The following ZMYND8 variants were observed in gnomAD, a reference collection of about 807,000 sequenced individuals.
ZMYND8 encodes MYND-type zinc finger-containing chromatin reader ZMYND8.
In ZMYND8, 37 loss-of-function variants were observed where a neutral mutation model predicts 140.8. The observed-to-expected ratio is 0.26, with a 90% CI of 0.20 to 0.35. The LOEUF is 0.35. Among genes scored for constraint, ZMYND8 ranks in the 10% least tolerant of loss-of-function variants. The pLI, the probability that ZMYND8 is intolerant of heterozygous loss-of-function variation, is 1.00. For synonymous variants in ZMYND8, 592 were observed against 597.1 expected (o/e 0.99, Z 0.12); for missense variants, 1,068 against 1,570.0 (o/e 0.68, Z 5.40).
intron 2 of ZMYND8, among the ~76,000 whole-genome samples, chr20:47,310,786 G>GAAAA (rs1169707543): frequency 1.7e-4 from 13 of 76,826 alleles, no homozygotes; most frequent in African/African-American, 4.7e-4. Flanking sequence ...CCTCCGACGT[G>GAAAA]AAAAAAAAAA....
chr20:47,330,865 C>T lies in ZMYND8; in HGVS notation c.85+16991G>A, dbSNP rs555886382. Among the ~76,000 whole-genome samples the T allele has an allele frequency of 7.9e-5, 12 of 152,306 alleles. No homozygotes were observed. The East Asian group carries it at 2.1e-3, about 27-fold the overall frequency. ...CAAAAAAATATTTATTATACGCTCA[C>T]CAGCAGCAGGCAAGGTGGTAGTAAA... On this transcript the variant is annotated intron_variant, in intron 2 of 22. Coordinates refer to ENST00000471951, the MANE Select transcript of ZMYND8 (RefSeq NM_001281775.3).
At chr20:47,228,668 T>C (rs534379480) in intron 17 of ZMYND8, among the ~76,000 whole-genome samples, 12 of 152,348 alleles carry the variant, frequency 7.9e-5, no homozygotes, top group African/African-American at 2.4e-4. Flanking sequence ...TGTATTCACA[T>C]TGTCTTCTGT....
Position 47,298,454 on chromosome 20 carries a change from A to G in ZMYND8, c.453+275T>C. 6.1e-6 allele frequency: 6 copies of G among 985,444 alleles called. No individual in the cohort carries two copies. The highest frequency in any genetic ancestry group is 7.2e-6 in the Non-Finnish European group (6 of 829,934). 61.0% of individuals were successfully genotyped at this position (985,444 alleles called of 1,614,324 possible). ...AGTTAACTTTCAAAAAGTTCATCAT[A>G]GAAGATGCAGAGATGACGACTACAG... On this transcript the variant is annotated intron_variant, in intron 4 of 22. Coordinates refer to ENST00000471951, the MANE Select transcript of ZMYND8 (RefSeq NM_001281775.3). The surrounding 1 kb of genome is among the most constrained non-coding windows in gnomAD (Gnocchi z 5.0).
chr20:47,296,727 G>A (rs1374022601), intron 4 of ZMYND8, among the ~76,000 whole-genome samples: 1 of 152,144 alleles, frequency 6.6e-6, no homozygotes. Flanking sequence ...AGGTCAAGGT[G>A]GGAGGATCGC....
Position 47,223,762 on chromosome 20 carries a change from G to A in ZMYND8, c.3256+555C>T, listed in dbSNP as rs542362635. 2.4e-4 allele frequency among the ~76,000 whole-genome samples: 36 copies of A among 150,878 alleles called. No individual in the cohort carries two copies. In the East Asian group the frequency reaches 7.0e-3, roughly 29 times the overall value. On this transcript the variant is annotated intron_variant, in intron 19 of 22. Transcript: ENST00000471951. ...AATCGCTTGAACCCGGAAGGCAGAG[G>A]TTGCACTAAGCCGAGATCACGCCAC... is the stretch of plus-strand genomic sequence containing the variant.
intron 1 of ZMYND8, chr20:47,355,419 G>T: frequency 1.0e-6 from 1 of 983,776 alleles, no homozygotes; most frequent in Non-Finnish European, 1.2e-6. Flanking sequence ...CTTCAAACAT[G>T]GTCACAGAGG....
Position 47,261,021 on chromosome 20 carries a change from A to C in ZMYND8, c.1621+1267T>G, listed in dbSNP as rs971989582. Among the ~76,000 whole-genome samples the C allele has an allele frequency of 1.9e-4, 29 of 152,298 alleles. No homozygotes were observed. In the East Asian group the frequency reaches 5.2e-3, roughly 27 times the overall value. On this transcript the variant is annotated intron_variant, in intron 12 of 22. Coordinates refer to ENST00000471951, the MANE Select transcript of ZMYND8 (RefSeq NM_001281775.3). ...CAGATCACCTTAGGTTGGGAGTTCG[A>C]GACCAGCCTGACCAACATGGAGAAA...
intron 1 of ZMYND8, among the ~76,000 whole-genome samples, chr20:47,350,328 GAA>G (rs3084684): frequency 0.043 from 3,965 of 93,288 alleles, 178 homozygotes; most frequent in African/African-American, 0.11. Flanking sequence ...ATTAAAAGGA[GAA>G]AAAAAAAAAA....
chr20:47,261,491 T>C (rs1020583403), intron 12 of ZMYND8, among the ~76,000 whole-genome samples: 4 of 151,898 alleles, frequency 2.6e-5, no homozygotes, highest in East Asian at 1.9e-4. Context: ...TGAACTATGA[T>C]TACACCACTG....
chr20:47,348,571 G>T (rs541995834), intron 1 of ZMYND8: 1 of 153,468 alleles, frequency 6.5e-6, no homozygotes, highest in Admixed American at 6.5e-5. Flanking sequence ...CAGCAGGCAC[G>T]GCTTACTACT....
chr20:47,318,981 G>A (rs181486194), intron 2 of ZMYND8: 7 of 1,351,496 alleles, frequency 5.2e-6, no homozygotes, highest in African/African-American at 4.4e-5. Flanking sequence ...CTGCTCAGAG[G>A]GCCTAGCCTC....
chr20:47,300,707 T>G (rs1231355991), intron 3 of ZMYND8, among the ~76,000 whole-genome samples: 1 of 152,120 alleles, frequency 6.6e-6, no homozygotes, highest in African/African-American at 2.4e-5. Flanking sequence ...TTCCCAGCTT[T>G]TATTATGAGG....
At chr20:47,351,188 C>CT (rs1383909480) in intron 1 of ZMYND8, among the ~76,000 whole-genome samples, 2 of 152,234 alleles carry the variant, frequency 1.3e-5, no homozygotes, top group Non-Finnish European at 2.9e-5. Context: ...AGATGAACTA[C>CT]TGCACCTCCA....
intron 1 of ZMYND8, chr20:47,350,129 T>C (rs2082650549): frequency 1.9e-6 from 2 of 1,058,406 alleles, no homozygotes; most frequent in Non-Finnish European, 1.3e-6. Context: ...GTGGGCACCA[T>C]AATCACCCAA....
At chr20:47,356,251 AAAGAG>A (rs1045627221) in intron 1 of ZMYND8, 17 of 958,476 alleles carry the variant, frequency 1.8e-5, no homozygotes, top group Non-Finnish European at 2.2e-5. Context: ...GCATGTGGCA[AAAGAG>A]AAGACAATAG....
intron 3 of ZMYND8, among the ~76,000 whole-genome samples, chr20:47,302,719 T>C (rs2078155134): frequency 6.6e-6 from 1 of 152,126 alleles, no homozygotes; most frequent in Non-Finnish European, 1.5e-5. Context: ...ATAGCCCTCA[T>C]AAGACAACGT....
chr20:47,351,490 C>A (rs1213086603), intron 1 of ZMYND8, among the ~76,000 whole-genome samples: 1 of 152,132 alleles, frequency 6.6e-6, no homozygotes, highest in Non-Finnish European at 1.5e-5. Flanking sequence ...ATGCATCATT[C>A]GAAAGGACTT....
At chr20:47,342,408 G>T (rs978271761) in intron 2 of ZMYND8, among the ~76,000 whole-genome samples, 1 of 146,492 alleles carries the variant, frequency 6.8e-6, no homozygotes, top group African/African-American at 2.5e-5. Context: ...TTAGCCAGGC[G>T]TGGTGGTGCG....
At chr20:47,255,714 G>T (rs2074584944) in intron 12 of ZMYND8, among the ~76,000 whole-genome samples, 1 of 62,974 alleles carries the variant, frequency 1.6e-5, no homozygotes, top group African/African-American at 8.1e-5. Flanking sequence ...TATATACCGT[G>T]TATGTGTGTA....
Sources: gnomAD v4.1 joint callset for allele counts (sites outside exome capture counted in the v4.1 genomes callset) on GRCh38, gnomAD v4.1.1 for gene constraint, Gnocchi (gnomAD v3.1) non-coding constraint, MANE v1.5 for transcripts, NCBI Gene and HGNC (gene_info 2026-07-23, HGNC 2026-07-21) for gene names.